LHFPL2: variants seen among roughly 807,000 people sequenced by gnomAD.
LHFPL2 encodes the protein LHFPL tetraspan subfamily member 2 protein.
LHFPL2 carries 7 observed loss-of-function variants against 17.5 expected under a neutral mutation model. The observed-to-expected ratio is 0.40, with a 90% CI of 0.23 to 0.75. LHFPL2 has a LOEUF of 0.75. LHFPL2 is among the 30% of genes least tolerant of loss of function. LHFPL2 has a pLI of 0.37. For missense variants in LHFPL2, 241 were observed against 294.8 expected (o/e 0.82, Z 1.34); for synonymous variants, 134 against 116.2 (o/e 1.15, Z -0.99).
rs145303541 is a variant in LHFPL2 at position 78,576,506 on chromosome 5, T to C, written c.-244-11635A>G. Among the ~76,000 whole-genome samples the C allele has an allele frequency of 5.3e-5, 8 of 152,280 alleles. No homozygotes were observed. The East Asian group carries it at 1.4e-3, about 26-fold the overall frequency. ...CCTCCCCACAGGTGCTCATGAACCA[T>C]GAGCTGTGTCTCTTTAAGGGCAGTG... On this transcript the variant is annotated intron_variant, in intron 2 of 4. Coordinates refer to ENST00000380345, the MANE Select transcript of LHFPL2 (RefSeq NM_005779.3).
intron 2 of LHFPL2, among the ~76,000 whole-genome samples, chr5:78,583,626 C>A (rs1285368021): frequency 1.3e-5 from 2 of 152,090 alleles, no homozygotes; most frequent in Admixed American, 6.5e-5. Context: ...TCTCTTCTGG[C>A]TTGTAGGGTT....
In LHFPL2 at chr5:78,517,673, G is replaced by A. The variant is rs145392384; in HGVS notation, c.-185-7275C>T. Among the ~76,000 whole-genome samples, 417 of 152,254 alleles carry A rather than the reference G, an allele frequency of 2.7e-3. 3 individuals are homozygous for A. Among genetic ancestry groups the A allele is most frequent in the African/African-American group, 9.5e-3 (396 of 41,534 alleles). On this transcript the variant is annotated intron_variant, in intron 3 of 4. Transcript: ENST00000380345. ...ATCTCGTGAGACTACTGACTATCATGAGAACAGCATGGGAAAAACTCGCCC... is the reference window on the plus strand; with the variant it reads ...ATCTCGTGAGACTACTGACTATCATAAGAACAGCATGGGAAAAACTCGCCC...
intron 2 of LHFPL2, among the ~76,000 whole-genome samples, chr5:78,617,501 T>C (rs1489220027): frequency 2.6e-5 from 4 of 152,130 alleles, no homozygotes; most frequent in Non-Finnish European, 4.4e-5. Flanking sequence ...TGTGCACCCA[T>C]GGGTGCAATT....
At chr5:78,570,829 C>T (rs116209183) in intron 2 of LHFPL2, among the ~76,000 whole-genome samples, 1 of 152,004 alleles carries the variant, frequency 6.6e-6, no homozygotes, top group Non-Finnish European at 1.5e-5. Flanking sequence ...GGGGAATAGG[C>T]CAGGCAAACA....
chr5:78,509,587 G>A (rs1289644882), intron 4 of LHFPL2, among the ~76,000 whole-genome samples, 197 bp downstream of exon 4: 1 of 152,220 alleles, frequency 6.6e-6, no homozygotes, highest in Non-Finnish European at 1.5e-5. Context: ...GTCTTCCTGT[G>A]GGGTAAGACA....
chr5:78,583,583 TTTTC>T (rs1743233961), intron 2 of LHFPL2, among the ~76,000 whole-genome samples: 1 of 151,784 alleles, frequency 6.6e-6, no homozygotes, highest in African/African-American at 2.4e-5. Context: ...TTGAAAATTC[TTTTC>T]TTTAAGAATG....
chr5:78,575,148 A>AC (rs1757097167), intron 2 of LHFPL2, among the ~76,000 whole-genome samples: 1 of 152,094 alleles, frequency 6.6e-6, no homozygotes, highest in Admixed American at 6.6e-5. Flanking sequence ...GCTGCAGGCA[A>AC]CCCCCACAGG....
chr5:78,623,708 A>G (rs1440182244), intron 2 of LHFPL2, among the ~76,000 whole-genome samples: 1 of 152,248 alleles, frequency 6.6e-6, no homozygotes, highest in African/African-American at 2.4e-5. Flanking sequence ...TTTTCCCCAC[A>G]TGTAAATGAA....
intron 4 of LHFPL2, among the ~76,000 whole-genome samples, chr5:78,502,522 T>C (rs1754804574): frequency 6.6e-6 from 1 of 152,338 alleles, no homozygotes; most frequent in Admixed American, 6.5e-5. Flanking sequence ...TTAACTGGCT[T>C]ACATGCAACT....
chr5:78,571,521 A>C (rs1756999617), intron 2 of LHFPL2, among the ~76,000 whole-genome samples: 1 of 152,122 alleles, frequency 6.6e-6, no homozygotes, highest in South Asian at 2.1e-4. Flanking sequence ...TTTCAAGTCC[A>C]TCCACTCATC....
At chr5:78,526,751 T>C (rs2112351094) in intron 3 of LHFPL2, among the ~76,000 whole-genome samples, 1 of 152,354 alleles carries the variant, frequency 6.6e-6, no homozygotes, top group East Asian at 1.9e-4. Context: ...ATTATGTTAT[T>C]GTCAATTGAA....
intron 2 of LHFPL2, among the ~76,000 whole-genome samples, chr5:78,565,616 AT>A (rs1756838898): frequency 6.6e-6 from 1 of 152,212 alleles, no homozygotes; most frequent in African/African-American, 2.4e-5. Context: ...CACAATTACC[AT>A]TTGTTGAAAA....
intron 4 of LHFPL2, among the ~76,000 whole-genome samples, chr5:78,501,427 T>C (rs1754769297): frequency 1.3e-5 from 2 of 152,172 alleles, no homozygotes; most frequent in Non-Finnish European, 2.9e-5. Context: ...AGGGCCCTTC[T>C]GCGGGGTAAG....
intron 2 of LHFPL2, among the ~76,000 whole-genome samples, chr5:78,618,031 C>T (rs1418410258): frequency 6.6e-6 from 1 of 151,868 alleles, no homozygotes; most frequent in Non-Finnish European, 1.5e-5. Flanking sequence ...GGTGAGACCC[C>T]ATCTCTACTA....
At chr5:78,493,490 G>C (rs757435927) in intron 4 of LHFPL2, among the ~76,000 whole-genome samples, 50 of 152,256 alleles carry the variant, frequency 3.3e-4, no homozygotes, top group Admixed American at 7.2e-4. Context: ...TATGCTCCAT[G>C]AGGGCAGGGA....
intron 3 of LHFPL2, among the ~76,000 whole-genome samples, chr5:78,520,302 C>T (rs940935419): frequency 2.0e-5 from 3 of 152,182 alleles, no homozygotes; most frequent in Non-Finnish European, 2.9e-5. Context: ...GGCAGGCAGG[C>T]AGGAAAACAC....
At chr5:78,552,884 T>C (rs888774605) in intron 3 of LHFPL2, among the ~76,000 whole-genome samples, 2 of 152,184 alleles carry the variant, frequency 1.3e-5, no homozygotes, top group Non-Finnish European at 2.9e-5. Flanking sequence ...CAACCAGCCA[T>C]GTAGCACAAA....
At chr5:78,605,750 G>C (rs1298522288) in intron 2 of LHFPL2, among the ~76,000 whole-genome samples, 1 of 151,996 alleles carries the variant, frequency 6.6e-6, no homozygotes, top group Non-Finnish European at 1.5e-5. Context: ...ATTATTTTTG[G>C]ATTAATCATC....
Position 78,485,654 on chromosome 5 carries a change from G to A in LHFPL2, c.*3243C>T, listed in dbSNP as rs1754213220. ...TTACAGCTAAGGAGGTGTGAGATTAGCCCTTAAATACTGGTCTAGCATTAG... is the reference window on the plus strand; with the variant it reads ...TTACAGCTAAGGAGGTGTGAGATTAACCCTTAAATACTGGTCTAGCATTAG... On this transcript the variant is annotated 3_prime_UTR_variant, in exon 5 of 5. Transcript: ENST00000380345. 6.6e-6 allele frequency: 1 copy of A among 152,606 alleles called. No individual in the cohort carries two copies. The highest frequency in any genetic ancestry group is 2.4e-5 in the African/African-American group (1 of 41,428). The allele number at this position is 152,606 out of a possible 1,614,324, so 9.5% of individuals were successfully genotyped here.
Sources: gnomAD v4.1 joint callset for allele counts (sites outside exome capture counted in the v4.1 genomes callset) on GRCh38, gnomAD v4.1.1 for gene constraint, MANE v1.5 for transcripts, NCBI Gene and HGNC (gene_info 2026-07-23, HGNC 2026-07-21) for gene names.